The following SAMMSON variants were observed in gnomAD, a reference collection of about 807,000 sequenced individuals.
The protein encoded by SAMMSON is survival associated mitochondrial melanoma specific oncogenic non-coding RNA.
chr3:70,070,612 G>A (rs1011894766), intron 3 of SAMMSON, among the ~76,000 whole-genome samples: 9 of 151,586 alleles, frequency 5.9e-5, no homozygotes, highest in Admixed American at 5.9e-4. Context: ...ATCCCCTTGG[G>A]GGACATAAAT....
At chr3:70,350,002 T>C (rs1295134833) in intron 7 of SAMMSON, among the ~76,000 whole-genome samples, 2 of 152,214 alleles carry the variant, frequency 1.3e-5, no homozygotes, top group African/African-American at 4.8e-5. Flanking sequence ...ATAGATACAT[T>C]GATTAAAGAA....
chr3:70,279,766 CT>C (rs930853161), intron 6 of SAMMSON, among the ~76,000 whole-genome samples: 3 of 152,296 alleles, frequency 2.0e-5, no homozygotes, highest in African/African-American at 7.2e-5. Flanking sequence ...TGCCATCCCT[CT>C]TTTCCTTCCA....
intron 4 of SAMMSON, among the ~76,000 whole-genome samples, chr3:70,216,274 C>A (rs1299765282): frequency 1.3e-5 from 2 of 150,066 alleles, no homozygotes; most frequent in Non-Finnish European, 3.0e-5. Context: ...AACAAATATA[C>A]TATTCTAATT....
intron 4 of SAMMSON, among the ~76,000 whole-genome samples, chr3:70,133,084 A>G (rs2067489251): frequency 6.6e-6 from 1 of 152,198 alleles, no homozygotes; most frequent in Non-Finnish European, 1.5e-5. Flanking sequence ...CAGCTTCTAC[A>G]ACCTCTGGAA....
chr3:70,302,488 T>A (rs1702359451), intron 7 of SAMMSON: 1 of 152,184 alleles, frequency 6.6e-6, no homozygotes, highest in South Asian at 2.1e-4. Context: ...TATACTAATG[T>A]TGATTAAGTG....
At chr3:70,301,628 C>T (rs1178125579) in intron 7 of SAMMSON, among the ~76,000 whole-genome samples, 1 of 152,046 alleles carries the variant, frequency 6.6e-6, no homozygotes, top group Non-Finnish European at 1.5e-5. Context: ...TTTTATCAAT[C>T]TGCGTTTGCA....
chr3:70,296,510 T>TA (rs1204785162), intron 7 of SAMMSON, among the ~76,000 whole-genome samples: 7 of 152,038 alleles, frequency 4.6e-5, no homozygotes, highest in South Asian at 2.1e-4. Flanking sequence ...TAAGATAATT[T>TA]AAAAAAAATC....
chr3:70,141,848 A>T (rs2067529061), intron 4 of SAMMSON, among the ~76,000 whole-genome samples: 1 of 152,200 alleles, frequency 6.6e-6, no homozygotes, highest in Admixed American at 6.6e-5. Flanking sequence ...TAAGTTCTGC[A>T]TTAGAGTAAG....
intron 6 of SAMMSON, among the ~76,000 whole-genome samples, chr3:70,256,873 C>T (rs1383959950): frequency 6.6e-6 from 1 of 152,170 alleles, no homozygotes; most frequent in Non-Finnish European, 1.5e-5. Flanking sequence ...CTTAAATAAA[C>T]TTCTGTAGAT....
chr3:70,380,719 G>C (rs891218919), intron 9 of SAMMSON, among the ~76,000 whole-genome samples: 1 of 150,840 alleles, frequency 6.6e-6, no homozygotes, highest in East Asian at 2.0e-4. Context: ...ACAGGCCCCA[G>C]TGTGTGATGT....
At chr3:70,412,293 G>A (rs1474197129) in intron 2 of SAMMSON, among the ~76,000 whole-genome samples, 1 of 151,984 alleles carries the variant, frequency 6.6e-6, no homozygotes, top group Non-Finnish European at 1.5e-5. Flanking sequence ...AAGCACATGA[G>A]GCCAACAACC....
chr3:70,248,077 T>C (rs1197349457), intron 4 of SAMMSON, among the ~76,000 whole-genome samples: 1 of 152,060 alleles, frequency 6.6e-6, no homozygotes, highest in Non-Finnish European at 1.5e-5. Flanking sequence ...CTAACATTTA[T>C]TGAGTATGTA....
At chr3:70,153,517 A>AT (rs1297920757) in intron 4 of SAMMSON, among the ~76,000 whole-genome samples, 1 of 152,000 alleles carries the variant, frequency 6.6e-6, no homozygotes, top group Non-Finnish European at 1.5e-5. Context: ...TTAAAAAAAA[A>AT]ATTATTGAAA....
At chr3:70,034,338 A>G (rs1299560050) in intron 3 of SAMMSON, among the ~76,000 whole-genome samples, 1 of 152,188 alleles carries the variant, frequency 6.6e-6, no homozygotes, top group Non-Finnish European at 1.5e-5. Flanking sequence ...ATATTTAGTA[A>G]AATAATTTGA....
intron 6 of SAMMSON, among the ~76,000 whole-genome samples, chr3:70,260,975 G>T (rs1035189662): frequency 6.6e-5 from 10 of 152,134 alleles, no homozygotes; most frequent in Non-Finnish European, 8.8e-5. Flanking sequence ...TATAATATTT[G>T]CAGAACTTGT....
At chr3:70,290,807 G>T (rs1702230007) in intron 6 of SAMMSON, among the ~76,000 whole-genome samples, 1 of 152,176 alleles carries the variant, frequency 6.6e-6, no homozygotes, top group African/African-American at 2.4e-5. Flanking sequence ...TATTCGGGTG[G>T]GAGTGACCCG....
chr3:70,137,536 C>T (rs768528997), intron 4 of SAMMSON: 7 of 152,092 alleles, frequency 4.6e-5, no homozygotes, highest in Non-Finnish European at 1.0e-4. Context: ...TCAACTCACT[C>T]GAGTAGTTGC....
At chr3:70,104,870 A>T (rs1409697627) in intron 4 of SAMMSON, among the ~76,000 whole-genome samples, 1 of 152,120 alleles carries the variant, frequency 6.6e-6, no homozygotes, top group Non-Finnish European at 1.5e-5. Context: ...AAATTTTAGG[A>T]TTCTGTTCCC....
At chr3:70,378,369 T>C (rs2106750223) in intron 9 of SAMMSON, among the ~76,000 whole-genome samples, 1 of 152,066 alleles carries the variant, frequency 6.6e-6, no homozygotes, top group Middle Eastern at 3.4e-3. Context: ...GAAATGTCTA[T>C]AGAATGATTG....
Sources: allele counts gnomAD v4.1 joint callset (sites outside exome capture counted in the v4.1 genomes callset), GRCh38; gene constraint gnomAD v4.1.1; transcripts MANE v1.5; gene names NCBI Gene and HGNC (gene_info 2026-07-23, HGNC 2026-07-21).